Variants in KMT2A observed in about 807,000 individuals in gnomAD.
KMT2A encodes the protein histone-lysine N-methyltransferase 2A.
KMT2A carries 16 observed loss-of-function variants against 345.3 expected under a neutral mutation model. That is an observed-to-expected ratio of 0.05 (90% CI 0.03 to 0.07). KMT2A has a LOEUF of 0.07. Among genes scored for constraint, KMT2A ranks in the 10% least tolerant of loss-of-function variants. KMT2A has a pLI of 1.00. For missense variants in KMT2A, 3,272 were observed against 4,841.6 expected (o/e 0.68, Z 9.62); for synonymous variants, 1,599 against 1,778.6 (o/e 0.90, Z 2.54).
At chr11:118,480,364 G>A in intron 6 of KMT2A, 126 bp downstream of exon 6, 1 of 649,856 alleles carries the variant, frequency 1.5e-6, no homozygotes, top group Non-Finnish European at 2.6e-6. Context: ...GTAGATTGTT[G>A]AAGCTAGGTA....
At chr11:118,471,334 TC>T (rs1949938615) in intron 2 of KMT2A, among the ~76,000 whole-genome samples, 1 of 152,232 alleles carries the variant, frequency 6.6e-6, no homozygotes, top group African/African-American at 2.4e-5. Context: ...TCTTTACAAT[TC>T]CTTTGAATTC....
At chr11:118,442,741 G>A (rs782163929) in intron 1 of KMT2A, among the ~76,000 whole-genome samples, 3 of 152,178 alleles carry the variant, frequency 2.0e-5, no homozygotes, top group Non-Finnish European at 4.4e-5. Context: ...AGATTTTCAG[G>A]AATTGTCTAG....
intron 8 of KMT2A, among the ~76,000 whole-genome samples, chr11:118,483,619 T>C (rs1950180873): frequency 6.6e-6 from 1 of 152,268 alleles, no homozygotes; most frequent in African/African-American, 2.4e-5. Flanking sequence ...CCACATGTTC[T>C]AGCCTAGGAA....
chr11:118,455,167 A>G (rs1355428876), intron 1 of KMT2A, among the ~76,000 whole-genome samples: 22 of 152,158 alleles, frequency 1.4e-4, no homozygotes, highest in African/African-American at 4.6e-4. Flanking sequence ...CTAGGATTAC[A>G]GGCGAGAGCC....
At chr11:118,450,728 A>G (rs1181898059) in intron 1 of KMT2A, 3 of 152,216 alleles carry the variant, frequency 2.0e-5, no homozygotes. Context: ...TCAAATAATC[A>G]TTGTTCTCTT....
intron 12 of KMT2A, 58 bp downstream of exon 12, chr11:118,489,945 T>C (rs782019032): frequency 8.3e-5 from 126 of 1,512,508 alleles, no homozygotes; most frequent in Non-Finnish European, 1.1e-4. Flanking sequence ...ATTGGACTTA[T>C]GTAACTTGTA....
chr11:118,470,081 G>A (rs1176839787), intron 2 of KMT2A, among the ~76,000 whole-genome samples: 1 of 152,206 alleles, frequency 6.6e-6, no homozygotes, highest in Non-Finnish European at 1.5e-5. Flanking sequence ...TAACCAGTTT[G>A]AGAGTTCTTT....
chr11:118,475,261 G>GTT (rs1277408951), intron 3 of KMT2A, among the ~76,000 whole-genome samples: 1 of 147,898 alleles, frequency 6.8e-6, no homozygotes, highest in African/African-American at 2.5e-5. Flanking sequence ...CAGCATTTTT[G>GTT]TTTTTTTTTT....
In KMT2A at chr11:118,523,426, T is replaced by G. The variant is rs139375279; in HGVS notation, c.*1254T>G. ...AGTAAATTCAATGACACTACTGCCC[T>G]GATTACTCCTTAGGATGTGGTCAAA... On this transcript the variant is annotated 3_prime_UTR_variant, in exon 36 of 36. Coordinates refer to ENST00000534358, the MANE Select transcript of KMT2A (RefSeq NM_001197104.2). 3.2e-3 allele frequency: 732 copies of G among 228,286 alleles called. 3 individuals are homozygous for G. Among genetic ancestry groups the G allele is most frequent in the Middle Eastern group, 6.6e-3 (5 of 756 alleles). The allele number at this position is 228,286 out of a possible 1,614,324, so 14.1% of individuals were successfully genotyped here. A position where few individuals can be genotyped will look rare whatever the true frequency, so the allele number is the denominator to read the frequency against.
Position 118,472,502 on chromosome 11 carries a change from A to C in KMT2A, c.1343A>C (p.Asn448Thr), listed in dbSNP as rs782576050. 1 of 1,613,556 alleles carries C rather than the reference A, an allele frequency of 6.2e-7. No individual in the cohort carries two copies. Among genetic ancestry groups the C allele is most frequent in the Non-Finnish European group, 8.5e-7 (1 of 1,179,936 alleles). ...ATTGCCCGATTAGAGTCTACACCGA[A>C]TAGTAGATTCAGTGCCCCGTCCTGT... ...IKIARLESTP[N>T]SRFSAPSCGS... Residue 448 changes from asparagine (N) to threonine (T), a missense_variant, in exon 3 of 36, where the codon AAT becomes ACT. This residue lies in a region of KMT2A where 180 missense variants were observed against 190.7 expected (regional missense o/e 0.94). Coordinates refer to ENST00000534358, the MANE Select transcript of KMT2A (RefSeq NM_001197104.2).
intron 5 of KMT2A, among the ~76,000 whole-genome samples, chr11:118,478,420 T>A (rs1950075076): frequency 6.6e-6 from 1 of 152,240 alleles, no homozygotes; most frequent in African/African-American, 2.4e-5. Flanking sequence ...ATGGAAATGT[T>A]CTATTGGAAT....
At position 118,436,832 on chromosome 11, in the gene KMT2A, G is replaced by T; in HGVS notation, c.320G>T (p.Arg107Leu). The change falls in exon 1 of 36, where the codon CGG (arginine) becomes CTG (leucine). Residue 107 changes from arginine (R) to leucine (L), a missense_variant. This residue lies in a region of KMT2A where 412 missense variants were observed against 511.0 expected (regional missense o/e 0.81). Coordinates refer to ENST00000534358, the MANE Select transcript of KMT2A (RefSeq NM_001197104.2). The surrounding 1 kb of genome is among the most constrained non-coding windows in gnomAD (Gnocchi z 6.9). The part of the protein sequence containing the change: ...SSASSGPALL[R>L]VGPGFDAALQ... ...GCCTCTTCAGGGCCGGCCCTGCTCC[G>T]GGTGGGCCCGGGCTTCGACGCGGCG... is the stretch of plus-strand genomic sequence containing the variant. 1 of 1,606,414 alleles carries T rather than the reference G, an allele frequency of 6.2e-7. No individual in the cohort carries two copies. The highest frequency in any genetic ancestry group is 1.3e-5 in the African/African-American group (1 of 74,736).
In KMT2A at chr11:118,501,767, TATC is replaced by T; in HGVS notation, c.6418_6420del (p.His2140del). On this transcript the variant is annotated inframe_deletion, in exon 26 of 36. Transcript: ENST00000534358. ...TTCACAAACCTCTGGCTCCTGTTATTATCATGTCATCTCAAAGGTCCCCAGGAT... is the reference window on the plus strand; with the variant it reads ...TTCACAAACCTCTGGCTCCTGTTATTATGTCATCTCAAAGGTCCCCAGGAT... 1.2e-6 allele frequency: 2 copies of T among 1,614,096 alleles called. No homozygotes were observed. The highest frequency in any genetic ancestry group is 1.7e-6 in the Non-Finnish European group (2 of 1,179,964).
At chr11:118,492,270 C>T (rs1208155558) in intron 15 of KMT2A, among the ~76,000 whole-genome samples, 1 of 152,194 alleles carries the variant, frequency 6.6e-6, no homozygotes, top group Non-Finnish European at 1.5e-5. Context: ...GGACTGGAGA[C>T]ACCTGAGCCT....
chr11:118,521,260 T>A lies in KMT2A; in HGVS notation c.11514-28T>A. On this transcript the variant is annotated intron_variant, in intron 34 of 35. Coordinates refer to ENST00000534358, the MANE Select transcript of KMT2A (RefSeq NM_001197104.2). This position sits in a 1 kb window ranked among gnomAD's most constrained non-coding sequence, Gnocchi z 5.3. The stretch of plus-strand genomic sequence containing the variant: ...CTTAACCTTACTTGCAAAATTTGTG[T>A]CTGACCTCTTTTCCATCTTTGTCCT... 1 of 1,611,344 alleles carries A rather than the reference T, an allele frequency of 6.2e-7. No individual in the cohort carries two copies. Among genetic ancestry groups the A allele is most frequent in the Non-Finnish European group, 8.5e-7 (1 of 1,177,970 alleles).
rs1401004732 is a variant in KMT2A at position 118,495,619 on chromosome 11, G to C, written c.5364-81G>C. ...GAATGGCTCCTACATGGGGCAACAG[G>C]TGATATCAAGAATTTATTTTATACA... On this transcript the variant is annotated intron_variant, in intron 18 of 35. Coordinates refer to ENST00000534358, the MANE Select transcript of KMT2A (RefSeq NM_001197104.2). The surrounding 1 kb of genome is among the most constrained non-coding windows in gnomAD (Gnocchi z 4.1). 9 of 1,091,446 alleles carry C rather than the reference G, an allele frequency of 8.2e-6. No homozygotes were observed. Among genetic ancestry groups the C allele is most frequent in the Non-Finnish European group, 1.0e-5 (8 of 775,432 alleles). The allele number at this position is 1,091,446 out of a possible 1,614,324, so 67.6% of individuals were successfully genotyped here.
At chr11:118,452,019 T>A (rs1949549445) in intron 1 of KMT2A, among the ~76,000 whole-genome samples, 2 of 151,506 alleles carry the variant, frequency 1.3e-5, no homozygotes, top group Admixed American at 6.6e-5. Context: ...ATCAGGAGGG[T>A]TTTTCTTTGT....
intron 25 of KMT2A, 44 bp downstream of exon 25, chr11:118,501,191 C>T (rs1342811833): frequency 6.3e-7 from 1 of 1,579,032 alleles, no homozygotes; most frequent in Admixed American, 1.7e-5. Flanking sequence ...GGCACAGTGG[C>T]TCACGCCTGT....
chr11:118,503,128 C>T lies in KMT2A; in HGVS notation c.7236C>T (p.Asn2412=), dbSNP rs1343434453. The T allele has an allele frequency of 6.2e-7, 1 of 1,613,512 alleles. No individual in the cohort carries two copies. The highest frequency in any genetic ancestry group is 2.2e-5 in the East Asian group (1 of 44,902). ...CCTTGAAGCTATCTGGAATGAGCAA[C>T]AGATCATCCATTATCAACGAACATA... ...VKTLKLSGMS[N]RSSIINEHMG... is the part of the protein sequence containing the mutation. Residue 2412 remains asparagine (N), a synonymous_variant, in exon 27 of 36, where the codon AAC becomes AAT. Coordinates refer to ENST00000534358, the MANE Select transcript of KMT2A (RefSeq NM_001197104.2). This position sits in a 1 kb window ranked among gnomAD's most constrained non-coding sequence, Gnocchi z 5.3.
Sources: gnomAD v4.1 joint callset for allele counts (sites outside exome capture counted in the v4.1 genomes callset) on GRCh38, gnomAD v4.1.1 for gene constraint, gnomAD v4.1.1 regional missense constraint, Gnocchi (gnomAD v3.1) non-coding constraint, MANE v1.5 for transcripts, NCBI Gene and HGNC (gene_info 2026-07-23, HGNC 2026-07-21) for gene names.